Variants in AGAP3 observed in about 807,000 individuals in gnomAD.
The protein encoded by AGAP3 is ArfGAP with GTPase domain, ankyrin repeat and PH domain 3.
AGAP3 carries 24 observed loss-of-function variants against 96.9 expected under a neutral mutation model. That is an observed-to-expected ratio of 0.25 (90% CI 0.18 to 0.35). AGAP3 has a LOEUF of 0.35. AGAP3 is among the 10% of genes least tolerant of loss of function. The probability of loss-of-function intolerance (pLI) is 1.00; values close to 1 mark genes in which losing one functional copy is unlikely to be tolerated. For synonymous variants in AGAP3, 563 were observed against 536.1 expected (o/e 1.05, Z -0.69); for missense variants, 876 against 1,254.2 (o/e 0.70, Z 4.55).
chr7:151,090,898 C>T (rs1798369175), intron 1 of AGAP3, among the ~76,000 whole-genome samples: 1 of 152,018 alleles, frequency 6.6e-6, no homozygotes, highest in Non-Finnish European at 1.5e-5. Flanking sequence ...GAGCTGAGAT[C>T]GCACCACTGC....
At chr7:151,123,319 C>A in intron 8 of AGAP3, 2 of 1,030,670 alleles carry the variant, frequency 1.9e-6, no homozygotes, top group South Asian at 7.5e-5. Flanking sequence ...TGGCCTCTCT[C>A]CTCTCTCTGT....
chr7:151,104,797 G>A (rs1323372871), intron 1 of AGAP3, among the ~76,000 whole-genome samples: 4 of 152,222 alleles, frequency 2.6e-5, no homozygotes, highest in Admixed American at 6.5e-5. Flanking sequence ...ATTGATTACC[G>A]CCTTGCTTGT....
chr7:151,109,178 A>C (rs1799179927), intron 1 of AGAP3, among the ~76,000 whole-genome samples: 1 of 148,378 alleles, frequency 6.7e-6, no homozygotes, highest in Non-Finnish European at 1.5e-5. Flanking sequence ...AAAAAAAAAA[A>C]AACAAAAAAC....
rs1800733250 is a variant in AGAP3, at chr7:151,139,397, G to A, written c.1667-582G>A. On this transcript the variant is annotated intron_variant, in intron 12 of 17. Transcript: ENST00000397238. The surrounding 1 kb of genome is among the most constrained non-coding windows in gnomAD (Gnocchi z 4.9). ...AAGGGGAGCCAGGGGCCCTTCCCTT[G>A]GGTCACCGGTCCGGTGGCCTGTGCT... Among the ~76,000 whole-genome samples the A allele has an allele frequency of 1.3e-5, 2 of 152,190 alleles. 1 individual carries two copies. The highest frequency in any genetic ancestry group is 4.1e-4 in the South Asian group (2 of 4,836).
In AGAP3 at chr7:151,143,285, C is replaced by T. The variant is rs1252617006; in HGVS notation, c.2274-56C>T. 5.2e-6 allele frequency: 8 copies of T among 1,552,916 alleles called. No individual in the cohort carries two copies. The highest frequency in any genetic ancestry group is 7.0e-6 in the Non-Finnish European group (8 of 1,147,682). The stretch of plus-strand genomic sequence containing the variant: ...CCTTTCCTGCCCACCTTCCTGGCCC[C>T]ACCCGTTGCTCGGTGACCTTCCTTG... On this transcript the variant is annotated intron_variant, in intron 16 of 17. Coordinates refer to ENST00000397238, the MANE Select transcript of AGAP3 (RefSeq NM_031946.7). The surrounding 1 kb of genome is among the most constrained non-coding windows in gnomAD (Gnocchi z 5.9).
In AGAP3 at chr7:151,138,286, T is replaced by TC. The variant is rs1183782608; in HGVS notation, c.1642dup (p.Leu548ProfsTer14). 6.2e-7 allele frequency: 1 copy of TC among 1,612,522 alleles called. No homozygotes were observed. The highest frequency in any genetic ancestry group is 1.7e-5 in the Admixed American group (1 of 59,970). On this transcript the variant is annotated frameshift_variant, in exon 12 of 18. Coordinates refer to ENST00000397238, the MANE Select transcript of AGAP3 (RefSeq NM_031946.7). LOFTEE classifies it high-confidence loss of function. ...CGACCAGTGGAGTGAGGCCACCACT[T>TC]CCCTGCCCCCAGGCATGCAGCACCC...
chr7:151,087,018 A>G lies in AGAP3; in HGVS notation c.277A>G (p.Ile93Val), dbSNP rs1480285561. ...IYAIYDLIER[I>V]EDLALQNQIR... ...CGCCATCTACGACCTGATCGAGCGC[A>G]TCGAGGATTTGGCGCTGCAGAACCA... The change falls in exon 1 of 18, where the codon ATC becomes GTC. Residue 93 changes from isoleucine to valine, a missense_variant. By Grantham distance (29) the Ile-to-Val change is conservative (BLOSUM62 3). Transcript: ENST00000397238. 6.2e-7 allele frequency: 1 copy of G among 1,612,880 alleles called. No individual in the cohort carries two copies. Among genetic ancestry groups the G allele is most frequent in the Admixed American group, 1.7e-5 (1 of 59,968 alleles).
At chr7:151,120,714 C>T in intron 8 of AGAP3, 1 of 1,221,544 alleles carries the variant, frequency 8.2e-7, no homozygotes, top group Non-Finnish European at 1.0e-6. Context: ...TTTTCCTGGG[C>T]TTCACCACGC....
At chr7:151,125,460 A>T (rs1800116036) in intron 9 of AGAP3, among the ~76,000 whole-genome samples, 1 of 152,184 alleles carries the variant, frequency 6.6e-6, no homozygotes, top group South Asian at 2.1e-4. Flanking sequence ...AATCTCAGGG[A>T]CGCTCAGTAG....
In AGAP3 at chr7:151,132,602, C is replaced by T. The variant is rs139222930; in HGVS notation, c.1327-1798C>T. Among the ~76,000 whole-genome samples the T allele has an allele frequency of 4.7e-3, 722 of 152,326 alleles. 3 individuals are homozygous for T. The highest frequency in any genetic ancestry group is 0.016 in the African/African-American group (681 of 41,580). ...TTGAGAATGAAGGCGACTGCAGGCTCGGCGAGACCCACAGGGCTGGACCTG... is the reference window on the plus strand; with the variant it reads ...TTGAGAATGAAGGCGACTGCAGGCTTGGCGAGACCCACAGGGCTGGACCTG... On this transcript the variant is annotated intron_variant, in intron 10 of 17. Transcript: ENST00000397238.
In AGAP3 at chr7:151,118,082, G is replaced by A. The variant is rs1052353911; in HGVS notation, c.707-128G>A. The A allele has an allele frequency of 2.7e-5, 35 of 1,299,968 alleles. No homozygotes were observed. The highest frequency in any genetic ancestry group is 3.2e-5 in the Non-Finnish European group (30 of 948,536). 80.5% of individuals were successfully genotyped at this position (1,299,968 alleles called of 1,614,324 possible). ...GTTGAAATGAGACCCAGGCACCCGC[G>A]TTCTTGGTGCTCTGTGTGTTCCACT... is the stretch of plus-strand genomic sequence containing the variant. On this transcript the variant is annotated intron_variant, in intron 5 of 17. Transcript: ENST00000397238. The surrounding 1 kb of genome is among the most constrained non-coding windows in gnomAD (Gnocchi z 6.1).
intron 1 of AGAP3, among the ~76,000 whole-genome samples, chr7:151,112,016 G>A (rs571409080): frequency 1.8e-4 from 28 of 152,168 alleles, no homozygotes; most frequent in Non-Finnish European, 3.5e-4. Context: ...TGTTTGCTGC[G>A]TGTCTTTGGA....
At chr7:151,115,379 C>G (rs1799514198) in intron 1 of AGAP3, 2 of 1,021,274 alleles carry the variant, frequency 2.0e-6, no homozygotes, top group Non-Finnish European at 2.3e-6. Flanking sequence ...TGCGGCGCTC[C>G]GAGTCAGGGC....
Position 151,086,814 on chromosome 7 carries a change from G to GA in AGAP3, c.73_74insA (p.Ala25AspfsTer105), listed in dbSNP as rs1798169001. On this transcript the variant is annotated frameshift_variant, in exon 1 of 18. Coordinates refer to ENST00000397238, the MANE Select transcript of AGAP3 (RefSeq NM_031946.7). LOFTEE classifies it high-confidence loss of function. ...CCTGGCGGCTCCGGGGGGCGGCGGCGCTGCCGCGCAGCAGCTCGTCTGCGG... is the reference window on the plus strand; with the variant it reads ...CCTGGCGGCTCCGGGGGGCGGCGGCGACTGCCGCGCAGCAGCTCGTCTGCGG... The GA allele has an allele frequency of 1.4e-6, 1 of 727,248 alleles. No individual in the cohort carries two copies. Among genetic ancestry groups the GA allele is most frequent in the Non-Finnish European group, 1.5e-6 (1 of 658,828 alleles). The allele number at this position is 727,248 out of a possible 1,614,324, so 45.0% of individuals were successfully genotyped here.
rs931641504 is a variant in AGAP3 at position 151,096,554 on chromosome 7, C to G, written c.331+9482C>G. ...GTGGCGCGATCTCGGCTCACTGCAA[C>G]CTCTGCCTCCCAGGTTCACGCCATT... On this transcript the variant is annotated intron_variant, in intron 1 of 17. Coordinates refer to ENST00000397238, the MANE Select transcript of AGAP3 (RefSeq NM_031946.7). The surrounding 1 kb of genome is among the most constrained non-coding windows in gnomAD (Gnocchi z 4.4). Among the ~76,000 whole-genome samples, 10 of 151,690 alleles carry G rather than the reference C, an allele frequency of 6.6e-5. No homozygotes were observed. Among genetic ancestry groups the G allele is most frequent in the Non-Finnish European group, 1.2e-4 (8 of 67,938 alleles).
chr7:151,119,647 T>TC, intron 7 of AGAP3, among the ~76,000 whole-genome samples: 1 of 152,192 alleles, frequency 6.6e-6, no homozygotes, highest in East Asian at 1.9e-4. Context: ...CACCTGCAGG[T>TC]CAGGACTCCA....
Position 151,114,134 on chromosome 7 carries a change from A to T in AGAP3, c.332-2659A>T, listed in dbSNP as rs1296624917. On this transcript the variant is annotated intron_variant, in intron 1 of 17. Transcript: ENST00000397238. This position sits in a 1 kb window ranked among gnomAD's most constrained non-coding sequence, Gnocchi z 4.4. ...TATAATCTCCAAAGAAGACAGCCTC[A>T]GTCATCAACAGAAACCGACTGTAGC... Among the ~76,000 whole-genome samples, 1 of 152,234 alleles carries T rather than the reference A, an allele frequency of 6.6e-6. No homozygotes were observed. Among genetic ancestry groups the T allele is most frequent in the Non-Finnish European group, 1.5e-5 (1 of 68,030 alleles).
chr7:151,134,807 T>C (rs1285368653), intron 11 of AGAP3, among the ~76,000 whole-genome samples: 1 of 152,176 alleles, frequency 6.6e-6, no homozygotes, highest in Non-Finnish European at 1.5e-5. Context: ...AGTAGTGTCA[T>C]GTTTGGGCAG....
At chr7:151,123,550 C>G (rs1563493500) in intron 8 of AGAP3, 2 of 1,344,972 alleles carry the variant, frequency 1.5e-6, no homozygotes, top group South Asian at 3.6e-5. Context: ...GCCTCTCTGT[C>G]CTTGCTCTTT....
Sources: gnomAD v4.1 joint callset for allele counts (sites outside exome capture counted in the v4.1 genomes callset) on GRCh38, gnomAD v4.1.1 for gene constraint, Gnocchi (gnomAD v3.1) non-coding constraint, MANE v1.5 for transcripts, NCBI Gene and HGNC (gene_info 2026-07-23, HGNC 2026-07-21) for gene names.